Variants in SCAPER observed in about 807,000 individuals in gnomAD.
The protein encoded by SCAPER is S phase cyclin A-associated protein in the endoplasmic reticulum.
A neutral mutation model predicts 182.2 loss-of-function variants in SCAPER; 98 were observed. The observed-to-expected ratio is 0.54, with a 90% CI of 0.46 to 0.64. SCAPER has a LOEUF of 0.64. Ranked by LOEUF, SCAPER falls within the 30% of genes least tolerant of loss-of-function variation. The probability of loss-of-function intolerance (pLI) is 0.00; values close to 1 mark genes in which losing one functional copy is unlikely to be tolerated. For missense variants in SCAPER, 1,432 were observed against 1,690.0 expected (o/e 0.85, Z 2.68); for synonymous variants, 605 against 564.6 (o/e 1.07, Z -1.01).
Position 76,536,821 on chromosome 15 carries a change from T to C in SCAPER, c.2839-31847A>G, listed in dbSNP as rs181301786. Reference sequence around the variant, plus strand: ...TGATTCTATTATCTAGAAAACCCCATTGTCTCAGCCCAAAATCTCCTTAAG... The same window carrying C: ...TGATTCTATTATCTAGAAAACCCCACTGTCTCAGCCCAAAATCTCCTTAAG... On this transcript the variant is annotated intron_variant, in intron 23 of 31. Transcript: ENST00000563290. Among the ~76,000 whole-genome samples, 372 of 152,228 alleles carry C rather than the reference T, an allele frequency of 2.4e-3. 6 individuals are homozygous for C. The East Asian group carries it at 0.028, about 12-fold the overall frequency.
chr15:76,633,026 C>T lies in SCAPER; in HGVS notation c.2646-11197G>A, dbSNP rs937323729. The stretch of plus-strand genomic sequence containing the variant: ...CTGACCGCAGGTGATCCGCCTGCCT[C>T]GGCCTCCCAAAGTGCTGGCTGGGAT... On this transcript the variant is annotated intron_variant, in intron 21 of 31. Coordinates refer to ENST00000563290, the MANE Select transcript of SCAPER (RefSeq NM_020843.4). Among the ~76,000 whole-genome samples, 27 of 152,154 alleles carry T rather than the reference C, an allele frequency of 1.8e-4. 1 individual carries two copies. Among genetic ancestry groups the T allele is most frequent in the Admixed American group, 1.4e-3 (21 of 15,278 alleles).
intron 22 of SCAPER, among the ~76,000 whole-genome samples, chr15:76,609,295 T>A (rs991438760): frequency 6.6e-6 from 1 of 150,882 alleles, no homozygotes; most frequent in Non-Finnish European, 1.5e-5. Context: ...AAGATCAGCC[T>A]GGGCAACAAT....
intron 18 of SCAPER, among the ~76,000 whole-genome samples, chr15:76,705,357 A>C (rs965317824): frequency 7.5e-6 from 1 of 133,574 alleles, no homozygotes; most frequent in Admixed American, 8.7e-5. Context: ...ATGAGAACAC[A>C]TGGACACAGG....
chr15:76,589,961 CTG>C (rs2048983255), intron 22 of SCAPER, among the ~76,000 whole-genome samples: 1 of 152,218 alleles, frequency 6.6e-6, no homozygotes, highest in Non-Finnish European at 1.5e-5. Flanking sequence ...TCAGGTTCCC[CTG>C]TGTGTGTTTG....
At chr15:76,663,253 C>A (rs2056333653) in intron 21 of SCAPER, among the ~76,000 whole-genome samples, 1 of 151,970 alleles carries the variant, frequency 6.6e-6, no homozygotes, top group Non-Finnish European at 1.5e-5. Flanking sequence ...CCCACTAGAA[C>A]TAAACTAAAA....
At chr15:76,580,155 C>T (rs145039273) in intron 22 of SCAPER, among the ~76,000 whole-genome samples, 72 of 152,244 alleles carry the variant, frequency 4.7e-4, no homozygotes, top group African/African-American at 1.6e-3. Context: ...ATTTAATCTA[C>T]ACCATAGACT....
intron 21 of SCAPER, among the ~76,000 whole-genome samples, chr15:76,637,778 G>A (rs964218437): frequency 4.9e-5 from 7 of 143,298 alleles, no homozygotes; most frequent in African/African-American, 1.3e-4. Flanking sequence ...GTGTGTGTGT[G>A]TGTGTGTGTG....
chr15:76,381,429 C>A lies in SCAPER; in HGVS notation c.3654G>T (p.Gln1218His). ...CAAAGCTGTTGAAGAAACGTAAACT[C>A]TGAATGGCCACTTGGATGGTATTTT... is the stretch of plus-strand genomic sequence containing the variant. ...YTQNTIQVAI[Q>H]SLRFFNSFAA... The change falls in exon 28 of 32, where the codon CAG becomes CAT. Residue 1218 changes from glutamine to histidine, a missense_variant. By Grantham distance (24) the Gln-to-His change is conservative (BLOSUM62 0). Coordinates refer to ENST00000563290, the MANE Select transcript of SCAPER (RefSeq NM_020843.4). 1 of 1,613,860 alleles carries A rather than the reference C, an allele frequency of 6.2e-7. No homozygotes were observed. Among genetic ancestry groups the A allele is most frequent in the South Asian group, 1.1e-5 (1 of 91,036 alleles).
intron 2 of SCAPER, among the ~76,000 whole-genome samples, chr15:76,873,280 AGG>A (rs1168673237): frequency 8.6e-5 from 4 of 46,388 alleles, no homozygotes; most frequent in African/African-American, 2.8e-4. Flanking sequence ...AGGAAAAGGA[AGG>A]AAGGAAGGAA....
intron 5 of SCAPER, among the ~76,000 whole-genome samples, chr15:76,823,916 AAACT>A (rs1451954670): frequency 3.9e-5 from 6 of 152,202 alleles, no homozygotes; most frequent in South Asian, 4.1e-4. Context: ...AAAAAAAAAA[AAACT>A]AACTAACTCT....
rs78060002 is a variant in SCAPER, at chr15:76,815,053, A to C, written c.394-10420T>G. On this transcript the variant is annotated intron_variant, in intron 5 of 31. Transcript: ENST00000563290. The stretch of plus-strand genomic sequence containing the variant: ...TCATCATGGAAATGCAAATTAAAAC[A>C]AAAAAAAAATCACCTCACATCTGTT... Among the ~76,000 whole-genome samples, 14 of 99,892 alleles carry C rather than the reference A, an allele frequency of 1.4e-4. No homozygotes were observed. In the South Asian group the frequency reaches 1.4e-3, roughly 10 times the overall value. The allele number at this position is 99,892 out of a possible 152,430, so 65.5% of individuals were successfully genotyped here. A position where few individuals can be genotyped will look rare whatever the true frequency, so the allele number is the denominator to read the frequency against.
intron 27 of SCAPER, among the ~76,000 whole-genome samples, chr15:76,384,779 A>T (rs930122169): frequency 6.6e-6 from 1 of 152,234 alleles, no homozygotes; most frequent in Non-Finnish European, 1.5e-5. Flanking sequence ...TGAAGGGACC[A>T]TAGAGAATGT....
chr15:76,883,466 T>C (rs2073684767), intron 2 of SCAPER, among the ~76,000 whole-genome samples: 1 of 151,878 alleles, frequency 6.6e-6, no homozygotes, highest in African/African-American at 2.4e-5. Flanking sequence ...CCAGGGAGAG[T>C]AGGTTCCTTT....
intron 5 of SCAPER, among the ~76,000 whole-genome samples, chr15:76,805,517 T>C (rs1196603722): frequency 6.6e-6 from 1 of 151,698 alleles, no homozygotes; most frequent in Non-Finnish European, 1.5e-5. Flanking sequence ...GACTAATAAC[T>C]TTGTGCCTCT....
Position 76,592,269 on chromosome 15 carries a change from G to T in SCAPER, c.2712-17985C>A, listed in dbSNP as rs1180605036. 3.2e-5 allele frequency among the ~76,000 whole-genome samples: 2 copies of T among 62,408 alleles called. 1 individual carries two copies. The allele number at this position is 62,408 out of a possible 152,430, so 40.9% of individuals were successfully genotyped here. On this transcript the variant is annotated intron_variant, in intron 22 of 31. Coordinates refer to ENST00000563290, the MANE Select transcript of SCAPER (RefSeq NM_020843.4). ...AAGGAAGATATTTTAGAAATAAAGA[G>T]GCATTTCAATTATGACTTTATGTAA...
At chr15:76,540,074 G>C (rs982268459) in intron 23 of SCAPER, among the ~76,000 whole-genome samples, 5 of 152,102 alleles carry the variant, frequency 3.3e-5, no homozygotes, top group African/African-American at 1.2e-4. Context: ...TGAAGTAAAA[G>C]AAGAATTTCT....
chr15:76,410,445 G>T (rs909745786), intron 26 of SCAPER, among the ~76,000 whole-genome samples: 1 of 152,188 alleles, frequency 6.6e-6, no homozygotes, highest in African/African-American at 2.4e-5. Context: ...TATAGCAGAA[G>T]TGCCAAATTT....
intron 27 of SCAPER, among the ~76,000 whole-genome samples, chr15:76,403,279 A>C (rs556806968): frequency 6.6e-6 from 1 of 152,358 alleles, no homozygotes; most frequent in South Asian, 2.1e-4. Context: ...ACCTGATCCT[A>C]CGTAGGTCAC....
Position 76,609,815 on chromosome 15 carries a change from T to C in SCAPER, c.2711+11949A>G, listed in dbSNP as rs1025387320. Among the ~76,000 whole-genome samples, 5 of 152,206 alleles carry C rather than the reference T, an allele frequency of 3.3e-5. No homozygotes were observed. In the East Asian group the frequency reaches 5.8e-4, roughly 18 times the overall value. On this transcript the variant is annotated intron_variant, in intron 22 of 31. Coordinates refer to ENST00000563290, the MANE Select transcript of SCAPER (RefSeq NM_020843.4). ...GGAGGGTAAATGTTCTATAATTCTA[T>C]GATTAGGTCTCACTATTTTGGTAAG...
Sources: gnomAD v4.1 joint callset for allele counts (sites outside exome capture counted in the v4.1 genomes callset) on GRCh38, gnomAD v4.1.1 for gene constraint, MANE v1.5 for transcripts, NCBI Gene and HGNC (gene_info 2026-07-23, HGNC 2026-07-21) for gene names.